DSCAML1: variants seen among roughly 807,000 people sequenced by gnomAD.
The protein encoded by DSCAML1 is cell adhesion molecule DSCAML1.
In DSCAML1, 38 loss-of-function variants were observed where a neutral mutation model predicts 200.5. The ratio of observed to expected loss-of-function variants is 0.19; its 90% CI spans 0.15 to 0.25. The LOEUF (loss-of-function observed/expected upper bound fraction) is 0.25. Ranked by LOEUF, DSCAML1 falls within the 10% of genes least tolerant of loss-of-function variation. DSCAML1 has a pLI of 1.00. For synonymous variants in DSCAML1, 1,215 were observed against 1,165.0 expected (o/e 1.04, Z -0.87); for missense variants, 2,223 against 2,858.8 (o/e 0.78, Z 5.07).
intron 3 of DSCAML1, among the ~76,000 whole-genome samples, chr11:117,574,648 C>T (rs536120167): frequency 6.6e-6 from 1 of 152,300 alleles, no homozygotes; most frequent in South Asian, 2.1e-4. Context: ...GAGCCTGGCA[C>T]TCCCTACCTC....
chr11:117,546,718 T>A (rs2050379010), intron 3 of DSCAML1, among the ~76,000 whole-genome samples: 1 of 151,984 alleles, frequency 6.6e-6, no homozygotes. Context: ...CAGACAAATC[T>A]GGGGGAGGGG....
intron 6 of DSCAML1, 28 bp downstream of exon 6, chr11:117,521,101 GC>G: frequency 6.2e-7 from 1 of 1,604,060 alleles, no homozygotes; most frequent in East Asian, 2.2e-5. Context: ...CCCTGAACCC[GC>G]CCCCTGTGTC....
chr11:117,581,602 A>G (rs1453142206), intron 3 of DSCAML1, among the ~76,000 whole-genome samples: 1 of 152,232 alleles, frequency 6.6e-6, no homozygotes, highest in Non-Finnish European at 1.5e-5. Flanking sequence ...GCATCTGAAC[A>G]TTAAGCATTG....
In DSCAML1 at chr11:117,651,711, CAAAAAAAA is replaced by C. The variant is rs1193144259; in HGVS notation, c.512-119197_512-119190del. 2.6e-4 allele frequency among the ~76,000 whole-genome samples: 8 copies of C among 31,104 alleles called. No homozygotes were observed. In the East Asian group the frequency reaches 5.7e-3, roughly 22 times the overall value. The allele number at this position is 31,104 out of a possible 152,430, so 20.4% of individuals were successfully genotyped here. ...TGGGCGACAGAGCAAGACTCTGTCT[CAAAAAAAA>C]AAAAAAAAAAAAAAAAAAAGAATGA... On this transcript the variant is annotated intron_variant, in intron 3 of 32. Coordinates refer to ENST00000651296, the MANE Select transcript of DSCAML1 (RefSeq NM_020693.4).
At chr11:117,608,534 T>C (rs2051620748) in intron 3 of DSCAML1, among the ~76,000 whole-genome samples, 1 of 152,206 alleles carries the variant, frequency 6.6e-6, no homozygotes, top group African/African-American at 2.4e-5. Flanking sequence ...CACTTAACAT[T>C]ATACGAGAAC....
intron 3 of DSCAML1, among the ~76,000 whole-genome samples, chr11:117,600,274 C>T (rs565142957): frequency 6.6e-6 from 1 of 152,294 alleles, no homozygotes; most frequent in East Asian, 1.9e-4. Flanking sequence ...TCTTCATTGC[C>T]TTGCTCTCTG....
intron 3 of DSCAML1, among the ~76,000 whole-genome samples, chr11:117,534,794 T>C (rs1454534248): frequency 5.3e-5 from 8 of 152,184 alleles, no homozygotes; most frequent in African/African-American, 1.7e-4. Flanking sequence ...AAAATTTTTG[T>C]AGAGATGAGG....
chr11:117,499,221 A>G (rs1257903404), intron 11 of DSCAML1, among the ~76,000 whole-genome samples: 1 of 152,056 alleles, frequency 6.6e-6, no homozygotes, highest in African/African-American at 2.4e-5. Flanking sequence ...TTAAAAATAC[A>G]TTTTAAAAGG....
intron 3 of DSCAML1, among the ~76,000 whole-genome samples, chr11:117,740,444 C>T (rs1031660334): frequency 6.6e-6 from 1 of 152,148 alleles, no homozygotes; most frequent in Non-Finnish European, 1.5e-5. Context: ...GGAGATGGGA[C>T]TTTCAGTGCT....
In DSCAML1 at chr11:117,642,579, C is replaced by T. The variant is rs139169331; in HGVS notation, c.512-110057G>A. 1.9e-4 allele frequency among the ~76,000 whole-genome samples: 29 copies of T among 152,340 alleles called. No homozygotes were observed. The highest frequency in any genetic ancestry group is 7.0e-4 in the African/African-American group (29 of 41,578). ...GGCTGGAAGGAGCAATGGTGAGACA[C>T]AGTGGGGCTGTATCCCTGTGGATGG... On this transcript the variant is annotated intron_variant, in intron 3 of 32. Transcript: ENST00000651296. This position sits in a 1 kb window ranked among gnomAD's most constrained non-coding sequence, Gnocchi z 4.1.
At chr11:117,635,475 C>T (rs867771766) in intron 3 of DSCAML1, among the ~76,000 whole-genome samples, 16 of 141,164 alleles carry the variant, frequency 1.1e-4, no homozygotes, top group Admixed American at 2.8e-4. Flanking sequence ...TGTGTGTGTG[C>T]GTGTGTGTTT....
intron 3 of DSCAML1, among the ~76,000 whole-genome samples, chr11:117,572,653 G>A (rs78012672): frequency 0.015 from 2,308 of 152,296 alleles, 33 homozygotes; most frequent in East Asian, 0.081. Flanking sequence ...TCCAACATCC[G>A]GTAGGGGATT....
In DSCAML1 at chr11:117,482,164, T is replaced by G. The variant is rs757503968; in HGVS notation, c.2360-2A>C. ...GGTGGGAAGTGATCATGGCCGGGACTGGGGGGCGGAGGCAGAGAAGGCCCA... is the reference window on the plus strand; with the variant it reads ...GGTGGGAAGTGATCATGGCCGGGACGGGGGGGCGGAGGCAGAGAAGGCCCA... On this transcript the variant is annotated splice_acceptor_variant, in intron 11 of 32. Transcript: ENST00000651296. LOFTEE classifies it high-confidence loss of function. 6.2e-7 allele frequency: 1 copy of G among 1,613,914 alleles called. No homozygotes were observed. Among genetic ancestry groups the G allele is most frequent in the Non-Finnish European group, 8.5e-7 (1 of 1,179,930 alleles).
At chr11:117,479,979 A>G (rs779665673) in intron 14 of DSCAML1, among the ~76,000 whole-genome samples, 22 of 152,148 alleles carry the variant, frequency 1.4e-4, no homozygotes, top group Non-Finnish European at 2.9e-4. Context: ...TATAGGTCCA[A>G]GCTTTTCCAG....
chr11:117,630,097 A>C (rs906575370), intron 3 of DSCAML1, among the ~76,000 whole-genome samples: 2 of 152,134 alleles, frequency 1.3e-5, no homozygotes, highest in East Asian at 3.9e-4. Context: ...CTGCAGACAG[A>C]CCTGCAGTGT....
intron 21 of DSCAML1, among the ~76,000 whole-genome samples, chr11:117,443,380 A>G (rs1008943170): frequency 6.6e-6 from 1 of 152,256 alleles, no homozygotes; most frequent in Non-Finnish European, 1.5e-5. Flanking sequence ...GTCTGATTCT[A>G]GCCCAGAGCC....
chr11:117,622,416 G>C (rs1316016370), intron 3 of DSCAML1, among the ~76,000 whole-genome samples: 1 of 152,198 alleles, frequency 6.6e-6, no homozygotes, highest in East Asian at 1.9e-4. Flanking sequence ...TGATGGCACA[G>C]AGTTAGGCTG....
chr11:117,744,338 C>T (rs2054477132), intron 3 of DSCAML1, among the ~76,000 whole-genome samples: 1 of 152,342 alleles, frequency 6.6e-6, no homozygotes, highest in South Asian at 2.1e-4. Flanking sequence ...GCCTCTAAAA[C>T]CTTAGTGCCT....
chr11:117,677,615 G>C lies in DSCAML1; in HGVS notation c.511+99176C>G, dbSNP rs78336093. ...CAGAGAAGGTTCTGGAGGGCTGCAG[G>C]ACCATGGGGAGCTTCTGCTTACCAA... On this transcript the variant is annotated intron_variant, in intron 3 of 32. Coordinates refer to ENST00000651296, the MANE Select transcript of DSCAML1 (RefSeq NM_020693.4). Among the ~76,000 whole-genome samples the C allele has an allele frequency of 6.8e-3, 1,038 of 152,256 alleles. 18 individuals carry two copies. Among genetic ancestry groups the C allele is most frequent in the African/African-American group, 0.024 (976 of 41,530 alleles).
Sources: allele counts gnomAD v4.1 joint callset (sites outside exome capture counted in the v4.1 genomes callset), GRCh38; gene constraint gnomAD v4.1.1; non-coding constraint Gnocchi (gnomAD v3.1); transcripts MANE v1.5; gene names NCBI Gene and HGNC (gene_info 2026-07-23, HGNC 2026-07-21).